Variants in HLCS observed in about 807,000 individuals in gnomAD.
HLCS encodes biotin--protein ligase.
In HLCS, 53 loss-of-function variants were observed where a neutral mutation model predicts 75.0. The observed-to-expected ratio is 0.71, with a 90% CI of 0.57 to 0.89. HLCS has a LOEUF of 0.89. Ranked by LOEUF, HLCS falls within the 40% of genes least tolerant of loss-of-function variation. The probability of loss-of-function intolerance (pLI) is 0.00; values close to 1 mark genes in which losing one functional copy is unlikely to be tolerated. For missense variants in HLCS, 966 were observed against 1,074.0 expected (o/e 0.90, Z 1.41); for synonymous variants, 431 against 428.6 (o/e 1.01, Z -0.07).
chr21:36,874,166 T>A (rs142608954), intron 6 of HLCS, among the ~76,000 whole-genome samples: 1 of 152,264 alleles, frequency 6.6e-6, no homozygotes, highest in African/African-American at 2.4e-5. Context: ...AACACATTTC[T>A]TTCCCCATCG....
chr21:36,952,787 C>CT (rs2067731139), intron 2 of HLCS, among the ~76,000 whole-genome samples: 1 of 111,496 alleles, frequency 9.0e-6, no homozygotes, highest in African/African-American at 3.6e-5. Flanking sequence ...GAGACTCCGT[C>CT]TCAAAAAAAA....
chr21:36,951,855 C>T (rs907313991), intron 2 of HLCS, among the ~76,000 whole-genome samples: 2 of 152,158 alleles, frequency 1.3e-5, no homozygotes, highest in African/African-American at 4.8e-5. Flanking sequence ...GTTGGTATTA[C>T]TGCATCAAGC....
In HLCS at chr21:36,773,175, T is replaced by C. The variant is rs566769121; in HGVS notation, c.1893-5890A>G. On this transcript the variant is annotated intron_variant, in intron 6 of 10. Transcript: ENST00000674895. ...TTTATAAATCCTATTAAAAAAAGAT[T>C]TATTTAAGCCCAACCTATCAGTGGA... Among the ~76,000 whole-genome samples the C allele has an allele frequency of 3.3e-5, 5 of 152,330 alleles. No homozygotes were observed. In the South Asian group the frequency reaches 1.0e-3, roughly 32 times the overall value.
intron 5 of HLCS, among the ~76,000 whole-genome samples, chr21:36,903,017 C>G (rs764185027): frequency 6.6e-6 from 1 of 151,856 alleles, no homozygotes; most frequent in African/African-American, 2.4e-5. Context: ...GAGGAATGCC[C>G]CAGGACCAAA....
intron 2 of HLCS, among the ~76,000 whole-genome samples, chr21:36,950,836 C>T (rs1204790968): frequency 6.6e-6 from 1 of 152,198 alleles, no homozygotes; most frequent in Non-Finnish European, 1.5e-5. Flanking sequence ...CACAGCATCC[C>T]AGCAGGTCTC....
chr21:36,950,666 A>G (rs1399129917), intron 2 of HLCS, among the ~76,000 whole-genome samples: 1 of 152,014 alleles, frequency 6.6e-6, no homozygotes, highest in Non-Finnish European at 1.5e-5. Flanking sequence ...TTGTAGAGAC[A>G]GCATCTTGCT....
intron 6 of HLCS, among the ~76,000 whole-genome samples, chr21:36,863,713 A>G (rs930868336): frequency 2.6e-5 from 4 of 152,242 alleles, no homozygotes; most frequent in African/African-American, 9.6e-5. Context: ...AATTACTGCA[A>G]AATGCCTAAA....
chr21:36,989,034 A>G (rs1174052461), intron 1 of HLCS, among the ~76,000 whole-genome samples: 1 of 130,292 alleles, frequency 7.7e-6, no homozygotes. Context: ...TATTTTATTT[A>G]TTTATTTATT....
Position 36,966,425 on chromosome 21 carries a change from G to GGCCCCCCCCCCCC in HLCS, c.195+18_195+19insGGGGGGGGGGGGC. ...CCGGCTCGCGGGGCCCGGGTCGCCC[G>GGCCCCCCCCCCCC]CCCGCCCGACCCGCCCACCTGGCTG... On this transcript the variant is annotated intron_variant, in intron 1 of 10. Coordinates refer to ENST00000674895, the MANE Select transcript of HLCS (RefSeq NM_001352514.2). 1.5e-5 allele frequency: 3 copies of GGCCCCCCCCCCCC among 195,438 alleles called. No individual in the cohort carries two copies. The highest frequency in any genetic ancestry group is 2.6e-5 in the Non-Finnish European group (3 of 116,690). 12.1% of individuals were successfully genotyped at this position (195,438 alleles called of 1,614,324 possible).
chr21:36,866,856 T>TA (rs1392890861), intron 6 of HLCS, among the ~76,000 whole-genome samples: 3 of 146,088 alleles, frequency 2.1e-5, no homozygotes, highest in Non-Finnish European at 3.0e-5. Context: ...TTTTTTTTTT[T>TA]TAAAGGTTCT....
At chr21:36,806,690 G>A (rs1478106533) in intron 6 of HLCS, among the ~76,000 whole-genome samples, 1 of 152,218 alleles carries the variant, frequency 6.6e-6, no homozygotes, top group African/African-American at 2.4e-5. Context: ...GGACGAGGTA[G>A]GGGAAGTCAG....
intron 8 of HLCS, among the ~76,000 whole-genome samples, chr21:36,760,188 G>A (rs2089776522): frequency 6.6e-6 from 1 of 152,094 alleles, no homozygotes; most frequent in African/African-American, 2.4e-5. Flanking sequence ...GCTAACTAAC[G>A]TGCTAGGGCC....
At chr21:36,817,089 T>C (rs1165105997) in intron 6 of HLCS, among the ~76,000 whole-genome samples, 7 of 152,136 alleles carry the variant, frequency 4.6e-5, no homozygotes, top group Admixed American at 4.6e-4. Flanking sequence ...AAGCGTTCGA[T>C]GAAGATGTAG....
chr21:36,915,515 G>A (rs2065893192), intron 5 of HLCS, among the ~76,000 whole-genome samples: 3 of 152,278 alleles, frequency 2.0e-5, no homozygotes, highest in South Asian at 2.1e-4. Context: ...GGCCTGGCAG[G>A]AGAGAGGGGA....
chr21:36,899,215 G>C (rs889093408), intron 5 of HLCS, among the ~76,000 whole-genome samples: 1 of 152,154 alleles, frequency 6.6e-6, no homozygotes, highest in Admixed American at 6.5e-5. Flanking sequence ...ATTAAATCTA[G>C]ATGATGGGTA....
intron 6 of HLCS, among the ~76,000 whole-genome samples, chr21:36,803,070 T>C (rs1295923565): frequency 6.6e-6 from 1 of 152,188 alleles, no homozygotes; most frequent in Non-Finnish European, 1.5e-5. Context: ...ATGAAACCCA[T>C]GTGGAATACT....
At chr21:36,957,950 G>A (rs1359835483) in intron 2 of HLCS, among the ~76,000 whole-genome samples, 2 of 149,694 alleles carry the variant, frequency 1.3e-5, no homozygotes, top group East Asian at 2.0e-4. Context: ...AAAAGAGGCC[G>A]GGCGCGGTGG....
chr21:36,866,299 T>A (rs969055774), intron 6 of HLCS, among the ~76,000 whole-genome samples: 3 of 152,126 alleles, frequency 2.0e-5, no homozygotes, highest in Non-Finnish European at 4.4e-5. Context: ...AAAAAGGAAA[T>A]TGAAGACATA....
intron 10 of HLCS, 96 bp from the exon 11 acceptor site, chr21:36,754,513 T>C (rs766703638): frequency 1.6e-5 from 22 of 1,353,604 alleles, no homozygotes; most frequent in Non-Finnish European, 2.0e-5. Flanking sequence ...GAGCTGGGCG[T>C]GCTGGGGAGA....
Sources: allele counts gnomAD v4.1 joint callset (sites outside exome capture counted in the v4.1 genomes callset), GRCh38; gene constraint gnomAD v4.1.1; transcripts MANE v1.5; gene names NCBI Gene and HGNC (gene_info 2026-07-23, HGNC 2026-07-21).